ZDHHC14: variants seen among roughly 807,000 people sequenced by gnomAD.
The protein encoded by ZDHHC14 is zDHHC palmitoyltransferase 14.
In ZDHHC14, 16 loss-of-function variants were observed where a neutral mutation model predicts 47.7. The ratio of observed to expected loss-of-function variants is 0.34; its 90% CI spans 0.23 to 0.51. ZDHHC14 has a LOEUF of 0.51. ZDHHC14 is among the 20% of genes least tolerant of loss of function. The probability of loss-of-function intolerance (pLI) is 0.97; values close to 1 mark genes in which losing one functional copy is unlikely to be tolerated. For synonymous variants in ZDHHC14, 293 were observed against 278.9 expected (o/e 1.05, Z -0.50); for missense variants, 515 against 662.5 (o/e 0.78, Z 2.44).
chr6:157,504,880 G>A lies in ZDHHC14; in HGVS notation c.246-37705G>A, dbSNP rs962180170. On this transcript the variant is annotated intron_variant, in intron 1 of 8. Coordinates refer to ENST00000359775, the MANE Select transcript of ZDHHC14 (RefSeq NM_024630.3). ...GGCTGGAATGTAATGGTGCAGTCTC[G>A]GCTCACCACAACCTTTGCCTCCTGG... is the stretch of plus-strand genomic sequence containing the variant. 2.0e-5 allele frequency among the ~76,000 whole-genome samples: 3 copies of A among 151,826 alleles called. No individual in the cohort carries two copies. In the East Asian group the frequency reaches 5.8e-4, roughly 29 times the overall value.
chr6:157,528,285 T>A, intron 1 of ZDHHC14, among the ~76,000 whole-genome samples: 1 of 152,196 alleles, frequency 6.6e-6, no homozygotes, highest in East Asian at 1.9e-4. Flanking sequence ...GCTGAACAGT[T>A]TTTTTGTTGT....
intron 2 of ZDHHC14, among the ~76,000 whole-genome samples, chr6:157,561,637 C>T (rs566660274): frequency 6.6e-6 from 1 of 152,228 alleles, no homozygotes; most frequent in South Asian, 2.1e-4. Flanking sequence ...GTGCTCTCAC[C>T]CAGACCTCTT....
intron 1 of ZDHHC14, among the ~76,000 whole-genome samples, chr6:157,405,968 T>C (rs1352989878): frequency 6.6e-6 from 1 of 152,158 alleles, no homozygotes; most frequent in East Asian, 1.9e-4. Flanking sequence ...TGCTCGGACC[T>C]CCCCAATTTT....
At chr6:157,669,335 G>A (rs751501452) in intron 8 of ZDHHC14, among the ~76,000 whole-genome samples, 3 of 152,000 alleles carry the variant, frequency 2.0e-5, no homozygotes, top group Non-Finnish European at 2.9e-5. Context: ...AGGGGTGGTG[G>A]GGGGGGAAGA....
intron 1 of ZDHHC14, among the ~76,000 whole-genome samples, chr6:157,504,647 G>T (rs1199101654): frequency 2.0e-5 from 3 of 150,534 alleles, no homozygotes; most frequent in Non-Finnish European, 4.4e-5. Context: ...CTGACCTCAG[G>T]TGATCTGCCC....
intron 1 of ZDHHC14, among the ~76,000 whole-genome samples, chr6:157,416,660 C>T: frequency 1.8e-5 from 2 of 112,478 alleles, no homozygotes; most frequent in Non-Finnish European, 3.5e-5. Context: ...AGAGTGAGAC[C>T]CTGTCTCATT....
intron 3 of ZDHHC14, among the ~76,000 whole-genome samples, chr6:157,625,038 C>T (rs1284985632): frequency 6.6e-6 from 1 of 151,970 alleles, no homozygotes; most frequent in Non-Finnish European, 1.5e-5. Flanking sequence ...ATCAGGAGCC[C>T]GCTCCCACAA....
intron 7 of ZDHHC14, among the ~76,000 whole-genome samples, chr6:157,649,072 T>C (rs1777695187): frequency 6.6e-6 from 1 of 152,228 alleles, no homozygotes; most frequent in Admixed American, 6.5e-5. Context: ...CTGTTTTGGC[T>C]GGATTGGGGC....
chr6:157,467,984 G>T (rs1312499036), intron 1 of ZDHHC14, among the ~76,000 whole-genome samples: 1 of 152,164 alleles, frequency 6.6e-6, no homozygotes, highest in Non-Finnish European at 1.5e-5. Flanking sequence ...TTAAATAATT[G>T]TGTGTGTTAT....
intron 1 of ZDHHC14, among the ~76,000 whole-genome samples, chr6:157,428,184 T>C (rs1778260595): frequency 6.6e-6 from 1 of 152,134 alleles, no homozygotes; most frequent in African/African-American, 2.4e-5. Flanking sequence ...CACAGTCATT[T>C]TGGTGTTTGC....
chr6:157,592,865 G>T lies in ZDHHC14; in HGVS notation c.407-123G>T, dbSNP rs111339992. 7.4e-6 allele frequency: 11 copies of T among 1,489,524 alleles called. No homozygotes were observed. The Admixed American group carries it at 7.5e-5, about 10-fold the overall frequency. 92.3% of individuals were successfully genotyped at this position (1,489,524 alleles called of 1,614,324 possible). A position where few individuals can be genotyped will look rare whatever the true frequency, so the allele number is the denominator to read the frequency against. Reference sequence around the variant, plus strand: ...GAGCCCCAGCCTGGGTAAACCGTGGGCACCGGGGGCCCTGCCAGCCGCTGT... The same window carrying T: ...GAGCCCCAGCCTGGGTAAACCGTGGTCACCGGGGGCCCTGCCAGCCGCTGT... On this transcript the variant is annotated intron_variant, in intron 2 of 8. Coordinates refer to ENST00000359775, the MANE Select transcript of ZDHHC14 (RefSeq NM_024630.3).
rs2114816896 is a variant in ZDHHC14 at position 157,463,343 on chromosome 6, G to T, written c.246-79242G>T. Among the ~76,000 whole-genome samples, 1 of 152,226 alleles carries T rather than the reference G, an allele frequency of 6.6e-6. No individual in the cohort carries two copies. The highest frequency in any genetic ancestry group is 1.5e-5 in the Non-Finnish European group (1 of 68,034). On this transcript the variant is annotated intron_variant, in intron 1 of 8. Transcript: ENST00000359775. The surrounding 1 kb of genome is among the most constrained non-coding windows in gnomAD (Gnocchi z 4.4). ...TTTTTCCCCTCTTGCTATAAATGAAGATTTATGCAAAATAATCACATTCTC... is the reference window on the plus strand; with the variant it reads ...TTTTTCCCCTCTTGCTATAAATGAATATTTATGCAAAATAATCACATTCTC...
chr6:157,508,975 G>A (rs1780396137), intron 1 of ZDHHC14, among the ~76,000 whole-genome samples: 2 of 152,252 alleles, frequency 1.3e-5, no homozygotes, highest in South Asian at 4.1e-4. Context: ...TCAGTTCCAC[G>A]TGGTTGGAGG....
At chr6:157,409,843 G>T (rs539296403) in intron 1 of ZDHHC14, among the ~76,000 whole-genome samples, 11 of 151,558 alleles carry the variant, frequency 7.3e-5, no homozygotes, top group African/African-American at 1.9e-4. Flanking sequence ...ATTTTTTGGG[G>T]GGGGGGACAG....
intron 7 of ZDHHC14, among the ~76,000 whole-genome samples, chr6:157,651,788 T>C (rs777009418): frequency 3.9e-5 from 6 of 152,186 alleles, no homozygotes; most frequent in Non-Finnish European, 7.3e-5. Flanking sequence ...ACCAGGCTTG[T>C]CTCGAACTCC....
At chr6:157,608,016 A>G (rs1784607690) in intron 3 of ZDHHC14, among the ~76,000 whole-genome samples, 1 of 152,212 alleles carries the variant, frequency 6.6e-6, no homozygotes, top group African/African-American at 2.4e-5. Flanking sequence ...ACCAGTGTCT[A>G]CCTGGTTTGT....
chr6:157,435,400 C>T (rs968335827), intron 1 of ZDHHC14, among the ~76,000 whole-genome samples: 4 of 152,130 alleles, frequency 2.6e-5, no homozygotes, highest in South Asian at 2.1e-4. Context: ...TTTGTGATAT[C>T]GATGACATTG....
chr6:157,513,675 A>G (rs1486258030), intron 1 of ZDHHC14, among the ~76,000 whole-genome samples: 1 of 152,152 alleles, frequency 6.6e-6, no homozygotes, highest in Non-Finnish European at 1.5e-5. Context: ...TACTATTTAT[A>G]TATTATATTC....
chr6:157,550,621 T>C (rs554969273), intron 2 of ZDHHC14, among the ~76,000 whole-genome samples: 1 of 152,348 alleles, frequency 6.6e-6, no homozygotes, highest in East Asian at 1.9e-4. Flanking sequence ...ACAGACACTC[T>C]AGAGAGACCA....
Sources: gnomAD v4.1 joint callset for allele counts (sites outside exome capture counted in the v4.1 genomes callset) on GRCh38, gnomAD v4.1.1 for gene constraint, Gnocchi (gnomAD v3.1) non-coding constraint, MANE v1.5 for transcripts, NCBI Gene and HGNC (gene_info 2026-07-23, HGNC 2026-07-21) for gene names.